The following SBF2 variants were observed in gnomAD, a reference collection of about 807,000 sequenced individuals.
SBF2 encodes the protein SET binding factor 2.
SBF2 carries 112 observed loss-of-function variants against 225.2 expected under a neutral mutation model. That is an observed-to-expected ratio of 0.50 (90% CI 0.43 to 0.58). SBF2 has a LOEUF of 0.58. SBF2 is among the 20% of genes least tolerant of loss of function. The pLI, the probability that SBF2 is intolerant of heterozygous loss-of-function variation, is 0.00. For synonymous variants in SBF2, 763 were observed against 773.3 expected (o/e 0.99, Z 0.22); for missense variants, 1,996 against 2,206.2 (o/e 0.90, Z 1.91).
In SBF2 at chr11:10,252,765, G is replaced by A. The variant is rs182430561; in HGVS notation, c.55+41250C>T. 4.7e-5 allele frequency among the ~76,000 whole-genome samples: 7 copies of A among 150,366 alleles called. No homozygotes were observed. In the East Asian group the frequency reaches 7.8e-4, roughly 17 times the overall value. ...GCGGAGCTTGCAGCGAGCTTGCAGC[G>A]AGCTGAGATCGCGCCACTGCACTCC... On this transcript the variant is annotated intron_variant, in intron 1 of 39. Transcript: ENST00000256190.
chr11:10,119,944 T>C (rs767353552), intron 2 of SBF2, among the ~76,000 whole-genome samples: 2 of 152,198 alleles, frequency 1.3e-5, no homozygotes, highest in Non-Finnish European at 2.9e-5. Flanking sequence ...TTTCTAATTA[T>C]GGTAAAAACA....
chr11:9,830,234 C>A (rs1377100744), intron 27 of SBF2, among the ~76,000 whole-genome samples: 1 of 152,112 alleles, frequency 6.6e-6, no homozygotes, highest in Non-Finnish European at 1.5e-5. Flanking sequence ...ACAAGGACAA[C>A]AGATATTCAT....
intron 3 of SBF2, among the ~76,000 whole-genome samples, chr11:10,031,818 C>T (rs2134639116): frequency 6.6e-6 from 1 of 152,336 alleles, no homozygotes; most frequent in South Asian, 2.1e-4. Flanking sequence ...TCACAGTGCA[C>T]TGCAGCCTCA....
rs150572741 is a variant in SBF2 at position 10,120,167 on chromosome 11, T to C, written c.141+73735A>G. On this transcript the variant is annotated intron_variant, in intron 2 of 39. Transcript: ENST00000256190. ...GTTTGACTACTTTAGAGACCTGTTA[T>C]AAATGAAATTATTAAGTATGTGTCT... Among the ~76,000 whole-genome samples the C allele has an allele frequency of 1.7e-3, 260 of 152,364 alleles. 1 individual carries two copies. Among genetic ancestry groups the C allele is most frequent in the African/African-American group, 5.9e-3 (245 of 41,592 alleles).
intron 2 of SBF2, among the ~76,000 whole-genome samples, chr11:10,165,864 C>G (rs757430051): frequency 2.0e-5 from 3 of 152,092 alleles, no homozygotes; most frequent in Admixed American, 1.3e-4. Context: ...AGCAAATAGG[C>G]TTCTGAGAAG....
intron 1 of SBF2, among the ~76,000 whole-genome samples, chr11:10,231,803 C>T (rs1370256251): frequency 6.6e-6 from 1 of 152,198 alleles, no homozygotes; most frequent in Non-Finnish European, 1.5e-5. Context: ...TCTCAAGCTG[C>T]GTGCTGGGAG....
At chr11:10,284,999 T>G (rs914113859) in intron 1 of SBF2, among the ~76,000 whole-genome samples, 2 of 152,004 alleles carry the variant, frequency 1.3e-5, no homozygotes, top group African/African-American at 2.4e-5. Flanking sequence ...AAAAGACACT[T>G]TAGGAACAAA....
chr11:10,165,654 A>G (rs1208426902), intron 2 of SBF2, among the ~76,000 whole-genome samples: 4 of 152,172 alleles, frequency 2.6e-5, no homozygotes, highest in Admixed American at 6.5e-5. Flanking sequence ...CACTTCAACT[A>G]GATAGTATCT....
chr11:9,789,417 A>G, intron 34 of SBF2, 75 bp from the exon 35 acceptor site: 3 of 1,011,200 alleles, frequency 3.0e-6, no homozygotes, highest in Non-Finnish European at 4.7e-6. Flanking sequence ...CAAACCCCTA[A>G]CATTTATAGA....
chr11:9,829,037 G>A (rs899571903), intron 28 of SBF2, among the ~76,000 whole-genome samples: 12 of 152,170 alleles, frequency 7.9e-5, no homozygotes, highest in Admixed American at 7.9e-4. Flanking sequence ...TACTTTGGGA[G>A]GCTGAGGCGG....
intron 16 of SBF2, among the ~76,000 whole-genome samples, chr11:9,900,043 T>TA (rs1564974879): frequency 5.3e-4 from 49 of 92,820 alleles, no homozygotes; most frequent in South Asian, 6.4e-4. Context: ...TTTTTTTTTT[T>TA]TAAAAAAAAA....
chr11:9,897,170 CAT>C (rs1248210479), intron 16 of SBF2, among the ~76,000 whole-genome samples: 1 of 152,094 alleles, frequency 6.6e-6, no homozygotes, highest in Non-Finnish European at 1.5e-5. Flanking sequence ...AGCACACACA[CAT>C]AGATGCATAG....
chr11:9,905,767 A>C (rs1862068531), intron 16 of SBF2, among the ~76,000 whole-genome samples: 1 of 152,224 alleles, frequency 6.6e-6, no homozygotes, highest in Non-Finnish European at 1.5e-5. Context: ...GTGACTGTTA[A>C]AACTCAGTAG....
rs555762188 is a variant in SBF2 at position 10,122,684 on chromosome 11, A to C, written c.141+71218T>G. 9.3e-4 allele frequency among the ~76,000 whole-genome samples: 141 copies of C among 152,350 alleles called. 1 individual carries two copies. Among genetic ancestry groups the C allele is most frequent in the Middle Eastern group, 3.4e-3 (1 of 294 alleles). On this transcript the variant is annotated intron_variant, in intron 2 of 39. Transcript: ENST00000256190. Reference sequence around the variant, plus strand: ...TATTAGATACTATTAGTTTACACATAATTCTAGCAAATTCAACTAGTCATT... The same window carrying C: ...TATTAGATACTATTAGTTTACACATCATTCTAGCAAATTCAACTAGTCATT...
At chr11:10,072,672 T>A (rs992770185) in intron 2 of SBF2, among the ~76,000 whole-genome samples, 2 of 151,494 alleles carry the variant, frequency 1.3e-5, no homozygotes, top group Admixed American at 1.3e-4. Context: ...GCTTTTCCAC[T>A]AATGGCTGCA....
At chr11:10,193,498 A>G (rs558563365) in intron 2 of SBF2, among the ~76,000 whole-genome samples, 159 of 151,470 alleles carry the variant, frequency 1.0e-3, no homozygotes, top group Admixed American at 2.8e-3. Flanking sequence ...GGGACTACAG[A>G]CGCCCGCCAC....
intron 2 of SBF2, among the ~76,000 whole-genome samples, chr11:10,063,755 T>C (rs1427675727): frequency 6.6e-6 from 1 of 151,146 alleles, no homozygotes; most frequent in Non-Finnish European, 1.5e-5. Flanking sequence ...CAAATGATAT[T>C]CACAACAGAT....
chr11:9,944,245 G>T (rs906193629), intron 16 of SBF2, among the ~76,000 whole-genome samples: 3 of 152,190 alleles, frequency 2.0e-5, no homozygotes. Flanking sequence ...CAGGACAGTG[G>T]TTCTAAAGGA....
chr11:10,214,493 C>T (rs1958056642), intron 1 of SBF2, among the ~76,000 whole-genome samples: 1 of 152,180 alleles, frequency 6.6e-6, no homozygotes, highest in South Asian at 2.1e-4. Flanking sequence ...CGTGGTGGCA[C>T]GCGCCTGTAG....
Sources: allele counts gnomAD v4.1 joint callset (sites outside exome capture counted in the v4.1 genomes callset), GRCh38; gene constraint gnomAD v4.1.1; transcripts MANE v1.5; gene names NCBI Gene and HGNC (gene_info 2026-07-23, HGNC 2026-07-21).